DNAH14: variants seen among roughly 807,000 people sequenced by gnomAD.
DNAH14 encodes the protein axonemal beta dynein heavy chain 14.
DNAH14 carries 478 observed loss-of-function variants against 520.9 expected under a neutral mutation model. The observed-to-expected ratio is 0.92, with a 90% CI of 0.85 to 0.99. The LOEUF is 0.99. DNAH14 is among the 50% of genes least tolerant of loss of function. The pLI, the probability that DNAH14 is intolerant of heterozygous loss-of-function variation, is 0.00. For synonymous variants in DNAH14, 1,581 were observed against 1,757.2 expected, an observed-to-expected ratio of 0.90 and a Z score of 2.51; for missense variants, 4,831 against 5,234.5, an observed-to-expected ratio of 0.92 and a Z score of 2.38.
intron 41 of DNAH14, among the ~76,000 whole-genome samples, chr1:225,230,744 A>G (rs2091022926): frequency 2.6e-5 from 4 of 152,210 alleles, no homozygotes; most frequent in African/African-American, 9.6e-5. Context: ...AATGAGTACC[A>G]TATTTGGTCG....
At chr1:225,145,413 T>C in intron 30 of DNAH14, 34 bp downstream of exon 30, 1 of 1,447,502 alleles carries the variant, frequency 6.9e-7, no homozygotes, top group Non-Finnish European at 9.3e-7. Flanking sequence ...GGAAGAAATA[T>C]TGTACACATA....
chr1:225,360,985 T>C, intron 75 of DNAH14, 94 bp downstream of exon 75: 1 of 1,168,028 alleles, frequency 8.6e-7, no homozygotes, highest in Non-Finnish European at 1.2e-6. Context: ...GTGTAAACAA[T>C]AGCAAAATAA....
At chr1:225,256,307 G>A (rs994890967) in intron 44 of DNAH14, among the ~76,000 whole-genome samples, 10 of 152,162 alleles carry the variant, frequency 6.6e-5, no homozygotes, top group Admixed American at 2.6e-4. Flanking sequence ...TAGTGCGCAC[G>A]TGTTGGTCAT....
At position 224,959,636 on chromosome 1, in the gene DNAH14, T is replaced by C. The variant is rs924824397; in HGVS notation, c.218-517T>C. Reference sequence around the variant, plus strand: ...GGTAAGCCATAGACAAAATAAGAAATAGACCTTTTGTTACTTTTCTGTATT... The same window carrying C: ...GGTAAGCCATAGACAAAATAAGAAACAGACCTTTTGTTACTTTTCTGTATT... On this transcript the variant is annotated intron_variant, in intron 3 of 85. Coordinates refer to ENST00000682510, the MANE Select transcript of DNAH14 (RefSeq NM_001367479.1). Among the ~76,000 whole-genome samples, 6 of 152,202 alleles carry C rather than the reference T, an allele frequency of 3.9e-5. No individual in the cohort carries two copies. In the East Asian group the frequency reaches 1.2e-3, roughly 29 times the overall value.
chr1:225,317,334 G>A (rs1023890537), intron 60 of DNAH14, among the ~76,000 whole-genome samples: 4 of 151,664 alleles, frequency 2.6e-5, no homozygotes, highest in Non-Finnish European at 4.4e-5. Flanking sequence ...TTTTGCTTTT[G>A]GTATGACCTA....
At chr1:225,377,176 A>G in intron 78 of DNAH14, 61 bp from the exon 79 acceptor site, 1 of 1,331,920 alleles carries the variant, frequency 7.5e-7, no homozygotes, top group Non-Finnish European at 9.8e-7. Flanking sequence ...GGCAAAAACC[A>G]ACAAAGTGTT....
chr1:225,346,397 T>C lies in DNAH14; in HGVS notation c.11097+17T>C, dbSNP rs2095286352. 2.0e-6 allele frequency: 3 copies of C among 1,527,278 alleles called. No homozygotes were observed. Among genetic ancestry groups the C allele is most frequent in the Non-Finnish European group, 2.6e-6 (3 of 1,138,642 alleles). 94.6% of individuals were successfully genotyped at this position (1,527,278 alleles called of 1,614,324 possible). A position where few individuals can be genotyped will look rare whatever the true frequency, so the allele number is the denominator to read the frequency against. Reference sequence around the variant, plus strand: ...ATTTTTAAGGTGAGATATTCTTTAGTGTGAATTTTACATGCTTATTTAATC... The same window carrying C: ...ATTTTTAAGGTGAGATATTCTTTAGCGTGAATTTTACATGCTTATTTAATC... On this transcript the variant is annotated intron_variant, in intron 70 of 85. Transcript: ENST00000682510.
chr1:225,332,564 G>A (rs775077832), intron 65 of DNAH14, among the ~76,000 whole-genome samples: 4 of 152,080 alleles, frequency 2.6e-5, no homozygotes, highest in Non-Finnish European at 5.9e-5. Context: ...CTCCAAAGGC[G>A]GTGTCAAATG....
At chr1:225,382,888 C>G (rs953002700) in intron 81 of DNAH14, among the ~76,000 whole-genome samples, 3 of 152,184 alleles carry the variant, frequency 2.0e-5, no homozygotes, top group African/African-American at 7.2e-5. Context: ...AGTACTGATA[C>G]AGGCTATCAC....
chr1:225,165,785 G>A (rs12733373), intron 35 of DNAH14, among the ~76,000 whole-genome samples: 19,424 of 151,736 alleles, frequency 0.13, 1,394 homozygotes, highest in East Asian at 0.31. Flanking sequence ...AGGTTTTGCC[G>A]TGTTGCTCAG....
At chr1:225,049,737 G>T (rs926858090) in intron 15 of DNAH14, among the ~76,000 whole-genome samples, 9 of 151,678 alleles carry the variant, frequency 5.9e-5, no homozygotes, top group African/African-American at 2.2e-4. Context: ...GTAAAGTCTA[G>T]GTTGAGGTTT....
At chr1:225,337,541 T>C (rs574094185) in intron 67 of DNAH14, 45 bp downstream of exon 67, 2 of 1,455,378 alleles carry the variant, frequency 1.4e-6, no homozygotes, top group East Asian at 2.5e-5. Context: ...CTGATACATA[T>C]GTTGTATGCA....
At chr1:225,067,264 A>G (rs1172145805) in intron 17 of DNAH14, among the ~76,000 whole-genome samples, 1 of 152,176 alleles carries the variant, frequency 6.6e-6, no homozygotes, top group Non-Finnish European at 1.5e-5. Context: ...AATGGCCTCC[A>G]GCTTCATCCA....
Position 225,050,372 on chromosome 1 carries a change from A to T in DNAH14, c.2075A>T (p.Asn692Ile), listed in dbSNP as rs1240105703. Residue 692 changes from asparagine to isoleucine, a missense_variant, in exon 16 of 86, where the codon AAT becomes ATT. By Grantham distance (149) the Asn-to-Ile change is moderately radical. Transcript: ENST00000682510. The stretch of plus-strand genomic sequence containing the variant: ...TTTGAAACAGATCCTGCCTACCAAA[A>T]TATAGTAAGTTTTAAAACAGTTCAT... ...ILFETDPAYQ[N>I]IIVNLLTIIG... 1 of 1,541,856 alleles carries T rather than the reference A, an allele frequency of 6.5e-7. No individual in the cohort carries two copies. Among genetic ancestry groups the T allele is most frequent in the East Asian group, 2.5e-5 (1 of 40,694 alleles).
intron 44 of DNAH14, among the ~76,000 whole-genome samples, chr1:225,257,500 T>A (rs903959312): frequency 3.9e-5 from 6 of 152,180 alleles, no homozygotes; most frequent in African/African-American, 1.2e-4. Context: ...CTTAACATAT[T>A]TTATTTCTGC....
intron 69 of DNAH14, among the ~76,000 whole-genome samples, chr1:225,342,443 C>T (rs34987774): frequency 0.098 from 14,959 of 152,080 alleles, 1,015 homozygotes; most frequent in East Asian, 0.33. Context: ...GAAGTCAATC[C>T]ATCCTGTTTA....
Position 225,085,589 on chromosome 1 carries a change from A to G in DNAH14, c.3373A>G (p.Thr1125Ala). The G allele has an allele frequency of 6.5e-7, 1 of 1,548,494 alleles. No homozygotes were observed. Among genetic ancestry groups the G allele is most frequent in the South Asian group, 1.2e-5 (1 of 83,914 alleles). ...AATAAATGATATGTCAACCTCAGCA[A>G]CTAATGAAGCTGCTCTTGAAAAAAT... ...NEINDMSTSA[T>A]NEAALEKMLF... is the part of the protein sequence containing the mutation. Residue 1125 changes from threonine (T) to alanine (A), a missense_variant, in exon 21 of 86, where the codon ACT becomes GCT. Coordinates refer to ENST00000682510, the MANE Select transcript of DNAH14 (RefSeq NM_001367479.1).
chr1:225,177,420 G>C (rs2083449326), intron 36 of DNAH14, among the ~76,000 whole-genome samples: 1 of 152,238 alleles, frequency 6.6e-6, no homozygotes, highest in African/African-American at 2.4e-5. Flanking sequence ...ATCCAAGCCA[G>C]CTGCAGAAAT....
At chr1:224,946,308 TCTC>T (rs58808681) in intron 1 of DNAH14, among the ~76,000 whole-genome samples, 5,378 of 152,150 alleles carry the variant, frequency 0.035, 297 homozygotes, top group African/African-American at 0.12. Flanking sequence ...TGGGATATAG[TCTC>T]CTGGTGTGCC....
Sources: gnomAD v4.1 joint callset for allele counts (sites outside exome capture counted in the v4.1 genomes callset) on GRCh38, gnomAD v4.1.1 for gene constraint, MANE v1.5 for transcripts, NCBI Gene and HGNC (gene_info 2026-07-23, HGNC 2026-07-21) for gene names.